Variants in DAAM1 observed in about 807,000 individuals in gnomAD.
DAAM1 encodes disheveled-associated activator of morphogenesis 1.
In DAAM1, 52 loss-of-function variants were observed where a neutral mutation model predicts 130.0. The observed-to-expected ratio is 0.40, with a 90% confidence interval of 0.32 to 0.50. The LOEUF is 0.50. DAAM1 is among the 20% of genes least tolerant of loss of function. The pLI, the probability that DAAM1 is intolerant of heterozygous loss-of-function variation, is 0.61. For synonymous variants in DAAM1, 452 were observed against 444.5 expected (o/e 1.02, Z -0.21); for missense variants, 1,134 against 1,303.8 (o/e 0.87, Z 2.01).
At chr14:59,354,264 G>A (rs992685287) in intron 19 of DAAM1, among the ~76,000 whole-genome samples, 8 of 152,162 alleles carry the variant, frequency 5.3e-5, no homozygotes, top group Admixed American at 1.3e-4. Context: ...GTTTCACCAC[G>A]TTAGCCAGGA....
At chr14:59,286,287 G>C (rs1223639127) in intron 2 of DAAM1, among the ~76,000 whole-genome samples, 1 of 152,028 alleles carries the variant, frequency 6.6e-6, no homozygotes, top group Non-Finnish European at 1.5e-5. Flanking sequence ...CTAAAGCAGG[G>C]TTAAGAAGAA....
intron 3 of DAAM1, among the ~76,000 whole-genome samples, chr14:59,298,829 T>C (rs946823276): frequency 6.6e-6 from 1 of 152,220 alleles, no homozygotes; most frequent in African/African-American, 2.4e-5. Flanking sequence ...ACCACTTGGG[T>C]CATTCCAGCT....
intron 3 of DAAM1, among the ~76,000 whole-genome samples, chr14:59,294,160 GA>G (rs1355564062): frequency 1.7e-4 from 26 of 152,320 alleles, no homozygotes; most frequent in African/African-American, 6.3e-4. Flanking sequence ...GTGAGTTGGT[GA>G]AAAGCAAACT....
At chr14:59,291,166 A>C in intron 2 of DAAM1, 51 bp from the exon 3 acceptor site, 1 of 1,447,222 alleles carries the variant, frequency 6.9e-7, no homozygotes, top group Non-Finnish European at 9.4e-7. Flanking sequence ...AACGTTCTCT[A>C]CAGGAATAAT....
intron 22 of DAAM1, 168 bp from the exon 23 acceptor site, chr14:59,363,483 T>C: frequency 1.1e-6 from 1 of 887,694 alleles, no homozygotes; most frequent in Non-Finnish European, 1.7e-6. Flanking sequence ...TTTGGCATGG[T>C]GGGAGGAAGG....
chr14:59,361,370 A>G (rs2139684188), intron 22 of DAAM1, among the ~76,000 whole-genome samples: 1 of 152,314 alleles, frequency 6.6e-6, no homozygotes, highest in East Asian at 1.9e-4. Context: ...TAATCGGAGC[A>G]GCCACTTCCC....
intron 1 of DAAM1, among the ~76,000 whole-genome samples, chr14:59,207,368 G>GTT (rs1888291140): frequency 6.6e-6 from 1 of 152,204 alleles, no homozygotes; most frequent in African/African-American, 2.4e-5. Flanking sequence ...ACAGAGCTGT[G>GTT]AGATAGTCTA....
chr14:59,244,288 C>T (rs985161028), intron 1 of DAAM1, among the ~76,000 whole-genome samples: 1 of 150,840 alleles, frequency 6.6e-6, no homozygotes, highest in East Asian at 1.9e-4. Context: ...ATGTCTTTAT[C>T]AGCAGCCAGA....
chr14:59,315,728 G>T (rs184886019), intron 4 of DAAM1, among the ~76,000 whole-genome samples: 3 of 152,196 alleles, frequency 2.0e-5, no homozygotes, highest in African/African-American at 7.2e-5. Context: ...ATGATTAAGC[G>T]ATTTCTTTAC....
chr14:59,295,818 G>T (rs1168052854), intron 3 of DAAM1, among the ~76,000 whole-genome samples: 1 of 152,196 alleles, frequency 6.6e-6, no homozygotes, highest in Non-Finnish European at 1.5e-5. Context: ...AGCAGTGGCT[G>T]GGCACTGGGC....
At chr14:59,249,251 G>A (rs1303893914) in intron 1 of DAAM1, among the ~76,000 whole-genome samples, 1 of 152,152 alleles carries the variant, frequency 6.6e-6, no homozygotes, top group Admixed American at 6.5e-5. Context: ...TGGCATCTTA[G>A]GTATTTTCCC....
At position 59,230,646 on chromosome 14, in the gene DAAM1, A is replaced by T. The variant is rs146008266; in HGVS notation, c.-37-32795A>T. On this transcript the variant is annotated intron_variant, in intron 1 of 24. Coordinates refer to ENST00000360909, the MANE Select transcript of DAAM1 (RefSeq NM_001270520.2). ...TGGGGAAAGTTAATGGGTACAAAAA[A>T]ACTCAGAATGAATGAGACCTACTAT... Among the ~76,000 whole-genome samples the T allele has an allele frequency of 2.7e-3, 411 of 152,114 alleles. 3 individuals carry two copies. In the Middle Eastern group the frequency reaches 0.027, roughly 10 times the overall value.
At chr14:59,249,892 A>G (rs1458981423) in intron 1 of DAAM1, among the ~76,000 whole-genome samples, 1 of 152,232 alleles carries the variant, frequency 6.6e-6, no homozygotes, top group Non-Finnish European at 1.5e-5. Flanking sequence ...ACCTGGAAGT[A>G]GAGGAGAGTT....
At chr14:59,347,742 C>A in intron 17 of DAAM1, 119 bp downstream of exon 17, 1 of 930,494 alleles carries the variant, frequency 1.1e-6, no homozygotes, top group Admixed American at 2.3e-5. Context: ...ATTGAGGAGG[C>A]TGAACCAAGT....
At chr14:59,250,827 A>G (rs997998535) in intron 1 of DAAM1, among the ~76,000 whole-genome samples, 1 of 152,258 alleles carries the variant, frequency 6.6e-6, no homozygotes, top group Admixed American at 6.5e-5. Context: ...TATTGCTACA[A>G]ATACAGTTTT....
At chr14:59,271,504 AGAT>A (rs2139522490) in intron 2 of DAAM1, among the ~76,000 whole-genome samples, 1 of 152,346 alleles carries the variant, frequency 6.6e-6, no homozygotes, top group African/African-American at 2.4e-5. Flanking sequence ...GAAAGAATTT[AGAT>A]GATATATCAG....
intron 1 of DAAM1, among the ~76,000 whole-genome samples, chr14:59,243,804 A>G (rs1881233912): frequency 6.6e-6 from 1 of 152,188 alleles, no homozygotes; most frequent in Admixed American, 6.5e-5. Context: ...TGGGAGAACA[A>G]TTCCTATAGT....
chr14:59,296,238 C>A (rs1300457226), intron 3 of DAAM1, among the ~76,000 whole-genome samples: 1 of 152,224 alleles, frequency 6.6e-6, no homozygotes, highest in Non-Finnish European at 1.5e-5. Context: ...CTGAAATTAT[C>A]TGTCTTATCT....
intron 1 of DAAM1, among the ~76,000 whole-genome samples, chr14:59,254,315 A>C (rs913232416): frequency 2.3e-4 from 35 of 152,194 alleles, no homozygotes; most frequent in Admixed American, 1.8e-3. Flanking sequence ...GTGATTCAGG[A>C]AAGTTGCATT....
Sources: allele counts gnomAD v4.1 joint callset (sites outside exome capture counted in the v4.1 genomes callset), GRCh38; gene constraint gnomAD v4.1.1; transcripts MANE v1.5; gene names NCBI Gene and HGNC (gene_info 2026-07-23, HGNC 2026-07-21).